The following MDGA2 variants were observed in gnomAD, a reference collection of about 807,000 sequenced individuals.
MDGA2 encodes the protein MAM domain containing glycosylphosphatidylinositol anchor 2, also known as MAM domain-containing glycosylphosphatidylinositol anchor protein 2.
In MDGA2, 40 loss-of-function variants were observed where a neutral mutation model predicts 117.8. The observed-to-expected ratio is 0.34, with a 90% CI of 0.26 to 0.44. The LOEUF (loss-of-function observed/expected upper bound fraction) is 0.44. MDGA2 is among the 20% of genes least tolerant of loss of function. The probability of loss-of-function intolerance (pLI) is 1.00; values close to 1 mark genes in which losing one functional copy is unlikely to be tolerated. For synonymous variants in MDGA2, 452 were observed against 439.0 expected (o/e 1.03, Z -0.37); for missense variants, 1,123 against 1,250.6 (o/e 0.90, Z 1.54).
rs1594918273 is a variant in MDGA2 at position 47,561,171 on chromosome 14, G to GTTTTTTTTTTTTT, written c.280+113345_280+113346insAAAAAAAAAAAAA. ...TTTTTTTGTTTTGTTTTGTTTTTTT[G>GTTTTTTTTTTTTT]TTTGTTTGTTTTTTTTTGCTTAGGA... On this transcript the variant is annotated intron_variant, in intron 1 of 16. Coordinates refer to ENST00000399232, the MANE Select transcript of MDGA2 (RefSeq NM_001113498.3). 7.6e-4 allele frequency among the ~76,000 whole-genome samples: 52 copies of GTTTTTTTTTTTTT among 68,442 alleles called. 1 individual carries two copies. Among genetic ancestry groups the GTTTTTTTTTTTTT allele is most frequent in the South Asian group, 1.3e-3 (2 of 1,526 alleles). 44.9% of individuals were successfully genotyped at this position (68,442 alleles called of 152,430 possible).
intron 2 of MDGA2, among the ~76,000 whole-genome samples, chr14:47,219,718 T>C (rs1886229217): frequency 6.6e-6 from 1 of 151,956 alleles, no homozygotes. Flanking sequence ...AAAATTGAAC[T>C]GAATACAGTC....
chr14:47,482,365 T>C (rs905810073), intron 1 of MDGA2, among the ~76,000 whole-genome samples: 3 of 151,996 alleles, frequency 2.0e-5, no homozygotes, highest in African/African-American at 7.2e-5. Flanking sequence ...TGGACATCAT[T>C]CAATTTCTTC....
intron 1 of MDGA2, among the ~76,000 whole-genome samples, chr14:47,565,126 A>G (rs1895892026): frequency 6.6e-6 from 1 of 152,200 alleles, no homozygotes; most frequent in Non-Finnish European, 1.5e-5. Flanking sequence ...CAGCCATTTC[A>G]GCCTAGTTAA....
chr14:47,120,720 C>A (rs1191092535), intron 5 of MDGA2, among the ~76,000 whole-genome samples: 3 of 152,138 alleles, frequency 2.0e-5, no homozygotes, highest in Non-Finnish European at 4.4e-5. Flanking sequence ...AAGGTTGATG[C>A]TAATATATCT....
intron 2 of MDGA2, among the ~76,000 whole-genome samples, chr14:47,221,503 A>G (rs1430979005): frequency 2.0e-5 from 3 of 152,130 alleles, no homozygotes; most frequent in African/African-American, 4.8e-5. Flanking sequence ...CCTGGCTAAC[A>G]TGGTGAAACC....
At chr14:47,438,870 TA>T (rs910450207) in intron 1 of MDGA2, among the ~76,000 whole-genome samples, 2 of 152,140 alleles carry the variant, frequency 1.3e-5, no homozygotes, top group African/African-American at 4.8e-5. Flanking sequence ...CTGTGTCTCT[TA>T]TGTGTGGTGC....
At chr14:47,485,637 T>C (rs965254654) in intron 1 of MDGA2, among the ~76,000 whole-genome samples, 2 of 152,106 alleles carry the variant, frequency 1.3e-5, no homozygotes, top group African/African-American at 2.4e-5. Context: ...CTCAGAGGCC[T>C]AAGAGGAAAA....
chr14:46,883,649 T>C (rs532009273), intron 10 of MDGA2, among the ~76,000 whole-genome samples: 1 of 152,150 alleles, frequency 6.6e-6, no homozygotes, highest in African/African-American at 2.4e-5. Context: ...TCCTTTTCTC[T>C]CACTCTATCC....
intron 7 of MDGA2, among the ~76,000 whole-genome samples, chr14:47,046,042 T>C (rs910436181): frequency 1.3e-5 from 2 of 150,928 alleles, no homozygotes; most frequent in African/African-American, 4.9e-5. Context: ...TTAGGTGATA[T>C]ACCTAATGCT....
At chr14:47,157,722 C>A (rs954999345) in intron 3 of MDGA2, among the ~76,000 whole-genome samples, 7 of 150,676 alleles carry the variant, frequency 4.6e-5, no homozygotes, top group African/African-American at 1.7e-4. Context: ...TGGGAGGGAC[C>A]CAGTGGGAAG....
chr14:47,495,546 T>G (rs1894264138), intron 1 of MDGA2, among the ~76,000 whole-genome samples: 1 of 152,210 alleles, frequency 6.6e-6, no homozygotes, highest in Non-Finnish European at 1.5e-5. Context: ...CTCAGACAAC[T>G]CTATTTTCAA....
At chr14:47,579,627 AT>A (rs1566525013) in intron 1 of MDGA2, among the ~76,000 whole-genome samples, 1 of 152,100 alleles carries the variant, frequency 6.6e-6, no homozygotes, top group African/African-American at 2.4e-5. Context: ...ATGGACTGAT[AT>A]GATAATTTAA....
At chr14:46,920,902 A>C (rs927862170) in intron 9 of MDGA2, among the ~76,000 whole-genome samples, 2 of 152,232 alleles carry the variant, frequency 1.3e-5, no homozygotes, top group Admixed American at 6.5e-5. Flanking sequence ...AATTAATAAA[A>C]GATCTGGTCA....
intron 8 of MDGA2, among the ~76,000 whole-genome samples, chr14:46,963,029 A>G (rs2138286135): frequency 6.6e-6 from 1 of 152,266 alleles, no homozygotes; most frequent in African/African-American, 2.4e-5. Context: ...TGTAAAATAT[A>G]TATTTTTTCT....
chr14:47,299,222 T>C (rs1434352754), intron 2 of MDGA2: 2 of 152,128 alleles, frequency 1.3e-5, no homozygotes, highest in Non-Finnish European at 1.5e-5. Flanking sequence ...GTACTCCTGA[T>C]TGTGAATGAT....
chr14:47,654,744 T>C (rs1273877761), intron 1 of MDGA2, among the ~76,000 whole-genome samples: 1 of 151,934 alleles, frequency 6.6e-6, no homozygotes, highest in African/African-American at 2.4e-5. Context: ...AAGTTACAAA[T>C]TAACCCAGCA....
intron 1 of MDGA2, among the ~76,000 whole-genome samples, chr14:47,420,016 C>T (rs548778965): frequency 1.4e-4 from 22 of 152,140 alleles, no homozygotes; most frequent in Non-Finnish European, 2.4e-4. Context: ...GTAATTAAAA[C>T]GATTGTCAAC....
At chr14:47,516,488 T>C (rs1422614412) in intron 1 of MDGA2, among the ~76,000 whole-genome samples, 2 of 152,186 alleles carry the variant, frequency 1.3e-5, no homozygotes, top group African/African-American at 2.4e-5. Context: ...TTAATAGACT[T>C]GAATATATTC....
chr14:46,996,977 C>A, intron 8 of MDGA2: 1 of 389,646 alleles, frequency 2.6e-6, no homozygotes, highest in South Asian at 2.3e-5. Flanking sequence ...AGCTTCATGC[C>A]AGGAAATAGC....
Sources: gnomAD v4.1 joint callset for allele counts (sites outside exome capture counted in the v4.1 genomes callset) on GRCh38, gnomAD v4.1.1 for gene constraint, MANE v1.5 for transcripts, NCBI Gene and HGNC (gene_info 2026-07-23, HGNC 2026-07-21) for gene names.